The following C1QTNF3 variants were observed in gnomAD, a reference collection of about 807,000 sequenced individuals.
The protein encoded by C1QTNF3 is C1q and TNF related 3.
A neutral mutation model predicts 32.6 loss-of-function variants in C1QTNF3; 26 were observed. The ratio of observed to expected loss-of-function variants is 0.80; its 90% CI spans 0.58 to 1.11. C1QTNF3 has a LOEUF of 1.11. Ranked by LOEUF, C1QTNF3 falls within the 50% of genes least tolerant of loss-of-function variation. The pLI is 0.00. For synonymous variants in C1QTNF3, 155 were observed against 146.0 expected (o/e 1.06, Z -0.44); for missense variants, 362 against 398.2 (o/e 0.91, Z 0.77).
chr5:34,130,222 G>C, the C1QTNF3 span, among the ~76,000 whole-genome samples: 5 of 151,728 alleles, frequency 3.3e-5, no homozygotes, highest in Non-Finnish European at 1.5e-5. Flanking sequence ...TCCCTTAGTG[G>C]ATAGGGATGA....
the C1QTNF3 span, among the ~76,000 whole-genome samples, chr5:34,085,320 G>T: frequency 1.3e-5 from 2 of 149,990 alleles, no homozygotes; most frequent in African/African-American, 2.5e-5. Context: ...AACCATCTTG[G>T]GTTAATTTTT....
At chr5:34,233,999 G>A in the C1QTNF3 span, among the ~76,000 whole-genome samples, 1 of 151,938 alleles carries the variant, frequency 6.6e-6, no homozygotes, top group African/African-American at 2.4e-5. Flanking sequence ...AATCAGTATT[G>A]TATTAGTACC....
chr5:34,098,764 C>G, the C1QTNF3 span, among the ~76,000 whole-genome samples: 1 of 152,084 alleles, frequency 6.6e-6, no homozygotes, highest in Non-Finnish European at 1.5e-5. Flanking sequence ...ATGTGTTTCA[C>G]TATTACTTGG....
the C1QTNF3 span, among the ~76,000 whole-genome samples, chr5:34,210,904 C>A: frequency 2.0e-5 from 3 of 151,986 alleles, no homozygotes; most frequent in East Asian, 5.8e-4. Flanking sequence ...TTTTAATTTA[C>A]TATATAATTT....
At chr5:34,087,949 A>T in the C1QTNF3 span, among the ~76,000 whole-genome samples, 1 of 152,204 alleles carries the variant, frequency 6.6e-6, no homozygotes, top group Non-Finnish European at 1.5e-5. Context: ...AAACCAATTA[A>T]ATTATCCGCA....
the C1QTNF3 span, among the ~76,000 whole-genome samples, chr5:34,114,695 TAA>T: frequency 6.6e-6 from 1 of 152,182 alleles, no homozygotes; most frequent in African/African-American, 2.4e-5. Context: ...GTTTTATACT[TAA>T]AGTTTTAATA....
the C1QTNF3 span, among the ~76,000 whole-genome samples, chr5:34,093,194 C>T: frequency 6.6e-6 from 1 of 151,560 alleles, no homozygotes; most frequent in African/African-American, 2.4e-5. Flanking sequence ...AATATTTTTA[C>T]TATTTCAACC....
At chr5:34,168,843 A>G in the C1QTNF3 span, 11 of 152,286 alleles carry the variant, frequency 7.2e-5, no homozygotes, top group East Asian at 7.7e-4. Flanking sequence ...GTTACTATAT[A>G]CCAGTTGCTA....
chr5:34,208,032 T>C, the C1QTNF3 span, among the ~76,000 whole-genome samples: 42 of 152,316 alleles, frequency 2.8e-4, no homozygotes, highest in South Asian at 4.4e-3. Flanking sequence ...CCTCGTGATC[T>C]GCCCACCTTG....
the C1QTNF3 span, among the ~76,000 whole-genome samples, chr5:34,207,614 T>C: frequency 6.6e-6 from 1 of 152,052 alleles, no homozygotes; most frequent in Non-Finnish European, 1.5e-5. Flanking sequence ...TTCAAGATCA[T>C]ATGGATTTTT....
chr5:34,175,999 T>TC, the C1QTNF3 span: 2 of 733,236 alleles, frequency 2.7e-6, no homozygotes, highest in Admixed American at 4.0e-5. Context: ...CTGGCAGAAT[T>TC]GTAAATGTTA....
At chr5:34,177,826 T>C in the C1QTNF3 span, among the ~76,000 whole-genome samples, 1 of 151,790 alleles carries the variant, frequency 6.6e-6, no homozygotes, top group Non-Finnish European at 1.5e-5. Context: ...GGGGTCCATG[T>C]TGTGCAGACT....
At chr5:34,235,056 A>G in the C1QTNF3 span, among the ~76,000 whole-genome samples, 1 of 152,048 alleles carries the variant, frequency 6.6e-6, no homozygotes, top group African/African-American at 2.4e-5. Flanking sequence ...CTCCTCCCCA[A>G]CACACATATG....
chr5:34,136,581 G>A, the C1QTNF3 span, among the ~76,000 whole-genome samples: 1 of 152,238 alleles, frequency 6.6e-6, no homozygotes, highest in African/African-American at 2.4e-5. Context: ...CCATGTGGAA[G>A]AGAGTGTGGT....
the C1QTNF3 span, among the ~76,000 whole-genome samples, chr5:34,162,779 G>T: frequency 6.6e-6 from 1 of 152,140 alleles, no homozygotes; most frequent in African/African-American, 2.4e-5. Context: ...CAACAAAACA[G>T]AATTTTAATC....
the C1QTNF3 span, among the ~76,000 whole-genome samples, chr5:34,232,481 TC>T: frequency 6.6e-6 from 1 of 152,102 alleles, no homozygotes; most frequent in Non-Finnish European, 1.5e-5. Flanking sequence ...TCCCCTCATG[TC>T]AAGACAGGGG....
the C1QTNF3 span, among the ~76,000 whole-genome samples, chr5:34,241,024 T>C: frequency 6.6e-6 from 1 of 151,884 alleles, no homozygotes; most frequent in East Asian, 1.9e-4. Context: ...AAAAACCATA[T>C]GATCATCTCA....
chr5:34,070,418 T>C, the C1QTNF3 span, among the ~76,000 whole-genome samples: 2 of 152,210 alleles, frequency 1.3e-5, no homozygotes, highest in African/African-American at 4.8e-5. Context: ...TCTCTTAACA[T>C]AAAACTTATA....
the C1QTNF3 span, among the ~76,000 whole-genome samples, chr5:34,230,746 T>C: frequency 3.9e-5 from 6 of 152,164 alleles, no homozygotes; most frequent in Admixed American, 1.3e-4. Context: ...GTGGACAGAA[T>C]TGATCCAGAT....
Sources: gnomAD v4.1 joint callset for allele counts (sites outside exome capture counted in the v4.1 genomes callset) on GRCh38, gnomAD v4.1.1 for gene constraint, MANE v1.5 for transcripts, NCBI Gene and HGNC (gene_info 2026-07-23, HGNC 2026-07-21) for gene names.